SYNPO2: variants seen among roughly 807,000 people sequenced by gnomAD.
SYNPO2 encodes synaptopodin-2.
SYNPO2 carries 56 observed loss-of-function variants against 85.0 expected under a neutral mutation model. The ratio of observed to expected loss-of-function variants is 0.66; its 90% confidence interval spans 0.53 to 0.82. SYNPO2 has a LOEUF of 0.82. Among genes scored for constraint, SYNPO2 ranks in the 40% least tolerant of loss-of-function variants. The pLI is 0.00. For synonymous variants in SYNPO2, 602 were observed against 591.1 expected, an observed-to-expected ratio of 1.02 and a Z score of -0.27; for missense variants, 1,575 against 1,534.2, an observed-to-expected ratio of 1.03 and a Z score of -0.44.
intron 4 of SYNPO2, among the ~76,000 whole-genome samples, chr4:119,054,768 A>C (rs543785324): frequency 8.1e-4 from 123 of 152,342 alleles, no homozygotes; most frequent in Non-Finnish European, 1.4e-3. Context: ...AGAATGGGCA[A>C]ACAGGAATAG....
At chr4:119,053,330 A>T (rs1739108640) in intron 4 of SYNPO2, among the ~76,000 whole-genome samples, 1 of 152,248 alleles carries the variant, frequency 6.6e-6, no homozygotes, top group Admixed American at 6.5e-5. Flanking sequence ...CATTGTACCT[A>T]TGGAATGATT....
intron 4 of SYNPO2, chr4:119,037,046 CT>C: frequency 6.9e-7 from 1 of 1,444,770 alleles, no homozygotes; most frequent in Non-Finnish European, 9.1e-7. Context: ...TGTAAAGCTC[CT>C]TGTGTTTACC....
intron 1 of SYNPO2, among the ~76,000 whole-genome samples, chr4:118,907,813 G>A (rs1219979766): frequency 6.6e-6 from 1 of 152,076 alleles, no homozygotes; most frequent in African/African-American, 2.4e-5. Context: ...TTAACACTTT[G>A]GGGAGAAAGT....
intron 1 of SYNPO2, among the ~76,000 whole-genome samples, chr4:118,880,393 T>C (rs1241338531): frequency 6.6e-6 from 1 of 152,052 alleles, no homozygotes; most frequent in Non-Finnish European, 1.5e-5. Context: ...TTTTGGGGGG[T>C]ATAATTTAGT....
At chr4:118,919,670 C>G (rs954252420) in intron 1 of SYNPO2, among the ~76,000 whole-genome samples, 6 of 152,042 alleles carry the variant, frequency 3.9e-5, no homozygotes, top group Non-Finnish European at 8.8e-5. Context: ...GGAGAGAGAT[C>G]GGAAAGTTTT....
At chr4:119,015,469 A>G (rs1737491459) in intron 1 of SYNPO2, among the ~76,000 whole-genome samples, 1 of 152,202 alleles carries the variant, frequency 6.6e-6, no homozygotes, top group Admixed American at 6.5e-5. Context: ...GCACTCAGAC[A>G]GGTATATTTG....
intron 1 of SYNPO2, among the ~76,000 whole-genome samples, chr4:118,967,998 A>G (rs1735381460): frequency 6.6e-6 from 1 of 152,234 alleles, no homozygotes; most frequent in Admixed American, 6.5e-5. Context: ...GTGACATTCA[A>G]TGTATTAACT....
At position 119,060,933 on chromosome 4, in the gene SYNPO2, T is replaced by C. The variant is rs1245747247; in HGVS notation, c.*2999T>C. The C allele has an allele frequency of 6.6e-6, 1 of 151,930 alleles. No homozygotes were observed. The highest frequency in any genetic ancestry group is 1.9e-4 in the East Asian group (1 of 5,182). 9.4% of individuals were successfully genotyped at this position (151,930 alleles called of 1,614,324 possible). On this transcript the variant is annotated 3_prime_UTR_variant, in exon 5 of 5. Transcript: ENST00000307142. ...TTATATTTTGGCACAATTATACACA[T>C]TGGAAAGGGCCAACCTATTAGGGCT...
chr4:118,988,341 A>G (rs531794196), intron 1 of SYNPO2, among the ~76,000 whole-genome samples: 14 of 151,968 alleles, frequency 9.2e-5, no homozygotes, highest in Admixed American at 3.9e-4. Context: ...GATGGGAAAA[A>G]GGTGTTAATG....
intron 1 of SYNPO2, among the ~76,000 whole-genome samples, chr4:118,876,679 TTCTTTCTTTCTTTCTTTCTTTC>T (rs1177353622): frequency 3.3e-4 from 7 of 21,070 alleles, no homozygotes; most frequent in Non-Finnish European, 5.9e-4. Flanking sequence ...CTTTCTTTCT[TTCTTTCTTTCTTTCTTTCTTTC>T]TTTCTTTCTT....
intron 1 of SYNPO2, among the ~76,000 whole-genome samples, chr4:118,864,302 C>T (rs1731666531): frequency 2.6e-5 from 4 of 152,066 alleles, no homozygotes; most frequent in Admixed American, 6.6e-5. Context: ...CCATTGTGGT[C>T]GGAGAAGATG....
At chr4:118,866,569 G>A (rs1449045717) in intron 1 of SYNPO2, among the ~76,000 whole-genome samples, 1 of 152,108 alleles carries the variant, frequency 6.6e-6, no homozygotes, top group Non-Finnish European at 1.5e-5. Context: ...TTTTATTTCT[G>A]CTGAAACATA....
Position 119,030,273 on chromosome 4 carries a change from G to A in SYNPO2, c.1498G>A (p.Glu500Lys), listed in dbSNP as rs1477045359. 1 of 1,613,924 alleles carries A rather than the reference G, an allele frequency of 6.2e-7. No homozygotes were observed. The highest frequency in any genetic ancestry group is 1.3e-5 in the African/African-American group (1 of 74,882). Residue 500 changes from glutamate (E) to lysine (K), a missense_variant, in exon 4 of 5, where the codon GAG becomes AAG. Glu to Lys is a moderately conservative substitution (Grantham distance 56, BLOSUM62 1). This residue lies in a region of SYNPO2 where 1,508 missense variants were observed against 1,446.8 expected (regional missense o/e 1.04). Coordinates refer to ENST00000307142, the MANE Select transcript of SYNPO2 (RefSeq NM_133477.3). Reference sequence around the variant, plus strand: ...AGCCCTCATGTTTGCCAAGAGGAGGGAGAGAATGGATCAGATCACAGCCCA... The same window carrying A: ...AGCCCTCATGTTTGCCAAGAGGAGGAAGAGAATGGATCAGATCACAGCCCA... ...KGALMFAKRR[E>K]RMDQITAQKE...
chr4:118,977,183 A>G (rs537714044), intron 1 of SYNPO2, among the ~76,000 whole-genome samples: 23 of 152,296 alleles, frequency 1.5e-4, no homozygotes, highest in Middle Eastern at 3.4e-3. Context: ...TGCAGGTCCC[A>G]AGGCCTGCCC....
intron 1 of SYNPO2, among the ~76,000 whole-genome samples, chr4:118,936,931 T>C (rs962759310): frequency 6.6e-6 from 1 of 152,136 alleles, no homozygotes; most frequent in African/African-American, 2.4e-5. Flanking sequence ...CCAAGTCTTG[T>C]ACATCAAATC....
chr4:119,029,809 A>T lies in SYNPO2; in HGVS notation c.1070-36A>T, dbSNP rs775106425. 1.5e-5 allele frequency: 22 copies of T among 1,492,132 alleles called. No individual in the cohort carries two copies. In the Admixed American group the frequency reaches 3.0e-4, roughly 20 times the overall value. The allele number at this position is 1,492,132 out of a possible 1,614,324, so 92.4% of individuals were successfully genotyped here. On this transcript the variant is annotated intron_variant, in intron 3 of 4. Transcript: ENST00000307142. ...CTGTGGTGTCTTCCTTGAACTCATC[A>T]GCTCAATATAATTTTTTTTTTTTTG...
At chr4:119,008,449 T>TC (rs554488838) in intron 1 of SYNPO2, among the ~76,000 whole-genome samples, 5 of 151,260 alleles carry the variant, frequency 3.3e-5, no homozygotes, top group Non-Finnish European at 7.4e-5. Context: ...TTTTTTTTTT[T>TC]CCTTGGCAAA....
chr4:118,858,020 A>G (rs1578502129), intron 1 of SYNPO2, among the ~76,000 whole-genome samples: 1 of 152,294 alleles, frequency 6.6e-6, no homozygotes, highest in African/African-American at 2.4e-5. Flanking sequence ...CTGGCCGTTA[A>G]GTTCTCAGGG....
At chr4:118,974,852 A>G (rs1206118183) in intron 1 of SYNPO2, among the ~76,000 whole-genome samples, 1 of 152,158 alleles carries the variant, frequency 6.6e-6, no homozygotes, top group Non-Finnish European at 1.5e-5. Context: ...AGATAACTCT[A>G]ATCCAGGCTC....
Sources: allele counts gnomAD v4.1 joint callset (sites outside exome capture counted in the v4.1 genomes callset), GRCh38; gene constraint gnomAD v4.1.1; regional missense constraint gnomAD v4.1.1; transcripts MANE v1.5; gene names NCBI Gene and HGNC (gene_info 2026-07-23, HGNC 2026-07-21).